CRCP: variants seen among roughly 807,000 people sequenced by gnomAD.
The protein encoded by CRCP is CGRP receptor component.
CRCP carries 18 observed loss-of-function variants against 18.5 expected under a neutral mutation model. That is an observed-to-expected ratio of 0.97 (90% confidence interval 0.67 to 1.44). The LOEUF (loss-of-function observed/expected upper bound fraction) is 1.44, where lower values mean the gene tolerates loss of function less well. CRCP is among the 40% of genes most tolerant of loss of function. CRCP has a pLI of 0.00. For missense variants in CRCP, 130 were observed against 176.4 expected (o/e 0.74, Z 1.49); for synonymous variants, 53 against 62.9 (o/e 0.84, Z 0.75).
chr7:66,137,799 A>G (rs1788013899), intron 4 of CRCP, among the ~76,000 whole-genome samples: 1 of 152,246 alleles, frequency 6.6e-6, no homozygotes, highest in Non-Finnish European at 1.5e-5. Context: ...TTTATAGTCC[A>G]GAGTTAATAT....
intron 5 of CRCP, among the ~76,000 whole-genome samples, chr7:66,150,354 G>GAAACTCTGTCTCAAAAAAATAA (rs57066308): frequency 3.4e-5 from 5 of 146,526 alleles, no homozygotes; most frequent in African/African-American, 1.0e-4. Context: ...CAACAAGAGT[G>GAAACTCTGTCTCAAAAAAATAA]AAGGGGGGGA....
At chr7:66,150,354 G>GAAACTCTGTCTCAAAAAAA (rs57066308) in intron 5 of CRCP, among the ~76,000 whole-genome samples, 1 of 146,522 alleles carries the variant, frequency 6.8e-6, no homozygotes. Context: ...CAACAAGAGT[G>GAAACTCTGTCTCAAAAAAA]AAGGGGGGGA....
chr7:66,117,117 CAAAAAAAAAAAA>C (rs34224463), intron 1 of CRCP, among the ~76,000 whole-genome samples: 1 of 81,182 alleles, frequency 1.2e-5, no homozygotes, highest in African/African-American at 4.9e-5. Flanking sequence ...AAGACTGTCT[CAAAAAAAAAAAA>C]AAAAAAAACC....
chr7:66,150,196 G>A (rs1788416243), intron 5 of CRCP, among the ~76,000 whole-genome samples: 1 of 151,486 alleles, frequency 6.6e-6, no homozygotes, highest in Non-Finnish European at 1.5e-5. Flanking sequence ...TGAGTGGATC[G>A]CCTGAGGTCA....
chr7:66,136,216 C>A (rs1420831449), intron 4 of CRCP, among the ~76,000 whole-genome samples: 2 of 151,804 alleles, frequency 1.3e-5, no homozygotes, highest in Non-Finnish European at 2.9e-5. Flanking sequence ...GAAAACTAGC[C>A]CGTTTTTTTT....
intron 4 of CRCP, among the ~76,000 whole-genome samples, chr7:66,139,720 G>A (rs186740038): frequency 6.6e-6 from 1 of 152,222 alleles, no homozygotes; most frequent in African/African-American, 2.4e-5. Flanking sequence ...TGGACTGGCG[G>A]TGGAACTTGC....
intron 5 of CRCP, among the ~76,000 whole-genome samples, chr7:66,151,454 A>G (rs948321730): frequency 6.6e-6 from 1 of 152,052 alleles, no homozygotes; most frequent in Non-Finnish European, 1.5e-5. Flanking sequence ...CTGTAGTCCC[A>G]GCTATTCGGG....
chr7:66,148,103 T>A (rs1788352520), intron 5 of CRCP, among the ~76,000 whole-genome samples: 2 of 151,800 alleles, frequency 1.3e-5, no homozygotes, highest in Admixed American at 6.6e-5. Flanking sequence ...GGCTCACGCC[T>A]GTAATCCCAG....
chr7:66,142,082 T>G (rs1260295633), intron 4 of CRCP, among the ~76,000 whole-genome samples: 1 of 152,158 alleles, frequency 6.6e-6, no homozygotes, highest in African/African-American at 2.4e-5. Flanking sequence ...GCGATCCCTC[T>G]TCTCCCTCTT....
At chr7:66,133,597 C>T (rs912661302) in intron 3 of CRCP, among the ~76,000 whole-genome samples, 2 of 150,554 alleles carry the variant, frequency 1.3e-5, no homozygotes, top group African/African-American at 2.4e-5. Context: ...TCTATTCAGT[C>T]GTATATATCC....
intron 2 of CRCP, among the ~76,000 whole-genome samples, chr7:66,128,459 A>T (rs1787683344): frequency 6.6e-6 from 1 of 152,164 alleles, no homozygotes; most frequent in South Asian, 2.1e-4. Flanking sequence ...GCTTTTATAC[A>T]TTGCAAATAG....
intron 1 of CRCP, among the ~76,000 whole-genome samples, chr7:66,117,536 C>CTAGA (rs1787306691): frequency 6.6e-6 from 1 of 152,140 alleles, no homozygotes; most frequent in Admixed American, 6.6e-5. Context: ...TGTTTCCACC[C>CTAGA]TAGAATATAT....
At chr7:66,146,945 G>C (rs1355251885) in intron 5 of CRCP, among the ~76,000 whole-genome samples, 2 of 152,160 alleles carry the variant, frequency 1.3e-5, no homozygotes, top group East Asian at 3.9e-4. Context: ...GTTACTCATG[G>C]CTTAATGACA....
intron 4 of CRCP, chr7:66,134,580 A>G: frequency 4.6e-6 from 2 of 431,874 alleles, no homozygotes; most frequent in South Asian, 6.8e-5. Flanking sequence ...AAGAAAGTTC[A>G]TTTATCCTAG....
At chr7:66,115,630 G>A (rs1787236937) in intron 1 of CRCP, among the ~76,000 whole-genome samples, 1 of 152,146 alleles carries the variant, frequency 6.6e-6, no homozygotes, top group South Asian at 2.1e-4. Context: ...TGCGCCTGGT[G>A]CAAATGGAAG....
intron 1 of CRCP, among the ~76,000 whole-genome samples, chr7:66,120,163 G>C (rs529139378): frequency 6.6e-6 from 1 of 151,354 alleles, no homozygotes; most frequent in African/African-American, 2.4e-5. Flanking sequence ...CAGCCTGGGC[G>C]ATAGAGCGAG....
chr7:66,131,498 C>G (rs1489524378), intron 3 of CRCP, among the ~76,000 whole-genome samples: 2 of 152,070 alleles, frequency 1.3e-5, no homozygotes, highest in Admixed American at 1.3e-4. Context: ...CCACGCCTGG[C>G]TATTTTTTGT....
At chr7:66,145,873 C>T (rs952637442) in intron 5 of CRCP, among the ~76,000 whole-genome samples, 2 of 152,242 alleles carry the variant, frequency 1.3e-5, no homozygotes, top group African/African-American at 2.4e-5. Flanking sequence ...CTTCACCCTG[C>T]TCTTGCTTCC....
At chr7:66,136,160 A>G (rs935388694) in intron 4 of CRCP, among the ~76,000 whole-genome samples, 4 of 151,654 alleles carry the variant, frequency 2.6e-5, no homozygotes, top group Middle Eastern at 3.5e-3. Context: ...AATGAGTTCA[A>G]CCTTTTAAAA....
Sources: allele counts gnomAD v4.1 joint callset (sites outside exome capture counted in the v4.1 genomes callset), GRCh38; gene constraint gnomAD v4.1.1; transcripts MANE v1.5; gene names NCBI Gene and HGNC (gene_info 2026-07-23, HGNC 2026-07-21).